The following SEMA3A variants were observed in gnomAD, a reference collection of about 807,000 sequenced individuals.
SEMA3A encodes semaphorin-3A.
In SEMA3A, 29 loss-of-function variants were observed where a neutral mutation model predicts 97.9. The observed-to-expected ratio is 0.30, with a 90% CI of 0.22 to 0.40. The LOEUF (loss-of-function observed/expected upper bound fraction) is 0.40. Among genes scored for constraint, SEMA3A ranks in the 10% least tolerant of loss-of-function variants. SEMA3A has a pLI of 1.00. For missense variants in SEMA3A, 763 were observed against 951.3 expected (o/e 0.80, Z 2.60); for synonymous variants, 321 against 323.7 (o/e 0.99, Z 0.09).
chr7:83,971,996 T>C (rs370046772), intron 15 of SEMA3A, among the ~76,000 whole-genome samples: 15,138 of 150,918 alleles, frequency 0.1, 918 homozygotes, highest in Non-Finnish European at 0.14. Context: ...TGTGTGTGTG[T>C]GTGTGTGTAC....
At chr7:84,284,245 T>C (rs1800525694) in intron 3 of SEMA3A, among the ~76,000 whole-genome samples, 1 of 152,168 alleles carries the variant, frequency 6.6e-6, no homozygotes, top group African/African-American at 2.4e-5. Context: ...TGCTTCAAAC[T>C]TTTGGCTGAC....
chr7:83,973,909 T>A (rs1244407135), intron 15 of SEMA3A, among the ~76,000 whole-genome samples: 11 of 151,754 alleles, frequency 7.2e-5, no homozygotes, highest in Admixed American at 7.2e-4. Context: ...GTGTAGTTTT[T>A]TTTTTTTTCC....
At chr7:84,247,757 G>C (rs1414468033) in intron 3 of SEMA3A, among the ~76,000 whole-genome samples, 2 of 152,138 alleles carry the variant, frequency 1.3e-5, no homozygotes, top group Non-Finnish European at 2.9e-5. Flanking sequence ...CTCACCACCT[G>C]GTAACTGTTG....
Position 84,110,554 on chromosome 7 carries a change from T to C in SEMA3A, c.369A>G (p.Ala123=). The C allele has an allele frequency of 6.2e-7, 1 of 1,613,996 alleles. No individual in the cohort carries two copies. The highest frequency in any genetic ancestry group is 8.5e-7 in the Non-Finnish European group (1 of 1,179,892). The part of the protein sequence containing the change: ...ECANFIKVLK[A]YNQTHLYACG... ...AGGCGTACAAGTGAGTCTGATTATA[T>C]GCCTTAAGTACCTTGATGAAATTAG... is the stretch of plus-strand genomic sequence containing the variant. Residue 123 remains alanine (A), a synonymous_variant, in exon 4 of 17, where the codon GCA becomes GCG. Transcript: ENST00000265362.
chr7:84,052,256 C>A (rs1792706299), intron 5 of SEMA3A, among the ~76,000 whole-genome samples: 1 of 152,036 alleles, frequency 6.6e-6, no homozygotes. Flanking sequence ...CCCTCTTTTT[C>A]TATTGATTGG....
At chr7:84,130,067 A>G (rs950486852) in intron 2 of SEMA3A, among the ~76,000 whole-genome samples, 2 of 152,092 alleles carry the variant, frequency 1.3e-5, no homozygotes, top group Admixed American at 1.3e-4. Context: ...AATGACTCCT[A>G]TCTGTATAGG....
intron 6 of SEMA3A, among the ~76,000 whole-genome samples, chr7:84,016,268 G>A (rs539516972): frequency 1.3e-5 from 2 of 152,142 alleles, no homozygotes; most frequent in South Asian, 2.1e-4. Context: ...GGCCGGGCAC[G>A]GTGGCTCACG....
chr7:84,129,024 A>C (rs1364298462), intron 3 of SEMA3A, 99 bp downstream of exon 3: 53 of 882,672 alleles, frequency 6.0e-5, no homozygotes, highest in Admixed American at 9.1e-5. Context: ...CCCCTTCCCC[A>C]CACACACAAA....
At chr7:84,112,408 C>T (rs1795300655) in intron 3 of SEMA3A, among the ~76,000 whole-genome samples, 1 of 152,144 alleles carries the variant, frequency 6.6e-6, no homozygotes, top group Non-Finnish European at 1.5e-5. Flanking sequence ...GTCTGCATGC[C>T]ATGCCTTTAA....
chr7:84,442,966 T>C (rs1248760082), intron 1 of SEMA3A, among the ~76,000 whole-genome samples: 1 of 151,982 alleles, frequency 6.6e-6, no homozygotes, highest in East Asian at 1.9e-4. Context: ...CATCAAAATA[T>C]ATGAAGCAAA....
chr7:84,065,435 G>A (rs1583905566), intron 4 of SEMA3A, among the ~76,000 whole-genome samples: 2 of 151,084 alleles, frequency 1.3e-5, no homozygotes, highest in South Asian at 4.2e-4. Flanking sequence ...AGAACTGAAG[G>A]AAGTAGAGAC....
intron 2 of SEMA3A, among the ~76,000 whole-genome samples, chr7:84,333,203 C>T (rs1481450065): frequency 6.6e-6 from 1 of 152,100 alleles, no homozygotes; most frequent in Non-Finnish European, 1.5e-5. Context: ...TCAGTTGAAG[C>T]ACCTATCAAG....
rs1802094909 is a variant in SEMA3A at position 84,338,801 on chromosome 7, A to G, written c.-168-31509T>C. Among the ~76,000 whole-genome samples, 6 of 152,280 alleles carry G rather than the reference A, an allele frequency of 3.9e-5. No individual in the cohort carries two copies. The South Asian group carries it at 1.2e-3, about 32-fold the overall frequency. ...TTGAAGAATAAAAGACCAATTTGCC[A>G]ATGTAGTTTTCTAACACTCCTTAAA... On this transcript the variant is annotated intron_variant, in intron 2 of 3. Coordinates refer to the SEMA3A transcript ENST00000424555.
chr7:84,405,175 G>C (rs879940629), intron 1 of SEMA3A, among the ~76,000 whole-genome samples: 2 of 151,702 alleles, frequency 1.3e-5, no homozygotes, highest in African/African-American at 2.4e-5. Context: ...ACACACATAG[G>C]CTCAAAAAAA....
At chr7:84,306,172 T>A (rs1325250129) in intron 3 of SEMA3A, among the ~76,000 whole-genome samples, 1 of 151,878 alleles carries the variant, frequency 6.6e-6, no homozygotes, top group African/African-American at 2.4e-5. Context: ...GTGATAAATT[T>A]TTTTTGTGTA....
chr7:84,330,331 G>A lies in SEMA3A; in HGVS notation c.-168-23039C>T, dbSNP rs539860126. ...TGAAGTTATCTCAAAAATAAAGTATGGGTGAGAAAAATGACTTTTTAAATG... is the reference window on the plus strand; with the variant it reads ...TGAAGTTATCTCAAAAATAAAGTATAGGTGAGAAAAATGACTTTTTAAATG... On this transcript the variant is annotated intron_variant, in intron 2 of 3. Transcript: ENST00000424555. Among the ~76,000 whole-genome samples the A allele has an allele frequency of 1.2e-4, 19 of 152,016 alleles. No homozygotes were observed. The South Asian group carries it at 3.7e-3, about 30-fold the overall frequency.
rs548900441 is a variant in SEMA3A at position 84,356,636 on chromosome 7, T to C, written c.-169+15188A>G. Among the ~76,000 whole-genome samples the C allele has an allele frequency of 3.2e-4, 49 of 152,032 alleles. 1 individual carries two copies. In the South Asian group the frequency reaches 8.3e-3, roughly 26 times the overall value. ...TACAATATGCATTTTAGTAAGAAAA[T>C]ATGCAGTTTGAAAAGCCTGTGATAT... On this transcript the variant is annotated intron_variant, in intron 2 of 3. Coordinates refer to the SEMA3A transcript ENST00000424555.
intron 3 of SEMA3A, among the ~76,000 whole-genome samples, chr7:84,228,879 C>G (rs991383652): frequency 1.3e-5 from 2 of 152,034 alleles, no homozygotes; most frequent in Non-Finnish European, 2.9e-5. Context: ...ACCTGTAATA[C>G]CTCATTATCC....
At chr7:84,080,447 C>A (rs1243368754) in intron 4 of SEMA3A, among the ~76,000 whole-genome samples, 1 of 151,592 alleles carries the variant, frequency 6.6e-6, no homozygotes. Flanking sequence ...TTTATCATTC[C>A]AAATTATATT....
Sources: allele counts gnomAD v4.1 joint callset (sites outside exome capture counted in the v4.1 genomes callset), GRCh38; gene constraint gnomAD v4.1.1; transcripts MANE v1.5; gene names NCBI Gene and HGNC (gene_info 2026-07-23, HGNC 2026-07-21).